The following SGPP2 variants were observed in gnomAD, a reference collection of about 807,000 sequenced individuals.
SGPP2 encodes sphingosine 1-phosphate phosphohydrolase 2.
Under a neutral mutation model 33.9 loss-of-function variants are expected in SGPP2, and 30 were observed. The ratio of observed to expected loss-of-function variants is 0.89; its 90% CI spans 0.66 to 1.20. The LOEUF (loss-of-function observed/expected upper bound fraction) is 1.20, where lower values mean the gene tolerates loss of function less well. Ranked by LOEUF, SGPP2 falls within the 50% of genes most tolerant of loss-of-function variation. SGPP2 has a pLI of 0.00. For missense variants in SGPP2, 458 were observed against 532.1 expected, an observed-to-expected ratio of 0.86 and a Z score of 1.37; for synonymous variants, 233 against 225.0, an observed-to-expected ratio of 1.04 and a Z score of -0.32.
At chr2:222,441,755 T>C (rs1034718127) in intron 1 of SGPP2, among the ~76,000 whole-genome samples, 11 of 152,208 alleles carry the variant, frequency 7.2e-5, no homozygotes, top group Non-Finnish European at 1.6e-4. Flanking sequence ...GGACATTTTA[T>C]ACTTTTGAGG....
chr2:222,449,775 A>G (rs937420361), intron 1 of SGPP2, among the ~76,000 whole-genome samples: 3 of 152,144 alleles, frequency 2.0e-5, no homozygotes, highest in South Asian at 2.1e-4. Context: ...TCTGGCAACT[A>G]ATTTTCTAAA....
chr2:222,547,642 G>A (rs1689224535), intron 4 of SGPP2, among the ~76,000 whole-genome samples: 1 of 151,832 alleles, frequency 6.6e-6, no homozygotes, highest in East Asian at 1.9e-4. Context: ...ATCACATCGA[G>A]AAACATAATA....
intron 1 of SGPP2, among the ~76,000 whole-genome samples, chr2:222,439,004 A>T (rs1697286353): frequency 6.6e-6 from 1 of 152,132 alleles, no homozygotes; most frequent in South Asian, 2.1e-4. Context: ...TAAACACAGG[A>T]TGAGTACCCA....
chr2:222,446,318 C>T (rs1018688701), intron 1 of SGPP2, among the ~76,000 whole-genome samples: 2 of 83,614 alleles, frequency 2.4e-5, no homozygotes, highest in Middle Eastern at 7.4e-3. Flanking sequence ...GAGTCAGAGA[C>T]ATCAAACACA....
rs1217665858 is a variant in SGPP2 at position 222,477,397 on chromosome 2, G to T, written c.378+2671G>T. Among the ~76,000 whole-genome samples the T allele has an allele frequency of 6.7e-6, 1 of 149,444 alleles. No individual in the cohort carries two copies. The highest frequency in any genetic ancestry group is 1.5e-5 in the Non-Finnish European group (1 of 67,808). The stretch of plus-strand genomic sequence containing the variant: ...TATAGGTGTGTATATATGTGTATAG[G>T]TGTGTATATATGTGTGTTTATAGGT... On this transcript the variant is annotated intron_variant, in intron 2 of 4. Transcript: ENST00000321276. This position sits in a 1 kb window ranked among gnomAD's most constrained non-coding sequence, Gnocchi z 6.0.
At chr2:222,430,282 A>T (rs1388141111) in intron 1 of SGPP2, among the ~76,000 whole-genome samples, 1 of 152,156 alleles carries the variant, frequency 6.6e-6, no homozygotes, top group Non-Finnish European at 1.5e-5. Flanking sequence ...GACACGTGTC[A>T]TTTTTGGTGA....
At chr2:222,491,433 A>G (rs540560952) in intron 2 of SGPP2, among the ~76,000 whole-genome samples, 1 of 152,340 alleles carries the variant, frequency 6.6e-6, no homozygotes, top group South Asian at 2.1e-4. Context: ...GGCAAAATTC[A>G]CAATCATGGA....
At chr2:222,549,218 A>G (rs1370608144) in intron 4 of SGPP2, among the ~76,000 whole-genome samples, 1 of 152,358 alleles carries the variant, frequency 6.6e-6, no homozygotes, top group East Asian at 1.9e-4. Context: ...TTCTTTCCTA[A>G]CAATTGACTG....
At chr2:222,463,158 C>T (rs1697691340) in intron 1 of SGPP2, among the ~76,000 whole-genome samples, 1 of 152,194 alleles carries the variant, frequency 6.6e-6, no homozygotes, top group Non-Finnish European at 1.5e-5. Flanking sequence ...TGTCCTCCCT[C>T]TTCCATTCTG....
At chr2:222,512,592 A>G (rs1303860665) in intron 2 of SGPP2, among the ~76,000 whole-genome samples, 1 of 152,184 alleles carries the variant, frequency 6.6e-6, no homozygotes, top group Non-Finnish European at 1.5e-5. Flanking sequence ...GTCATACAGA[A>G]TAGTTTCACT....
intron 4 of SGPP2, among the ~76,000 whole-genome samples, chr2:222,545,542 A>T (rs938035964): frequency 2.6e-5 from 4 of 152,104 alleles, no homozygotes; most frequent in Admixed American, 1.3e-4. Context: ...TCTGCCTCCC[A>T]AAGTGCTGGG....
chr2:222,522,028 G>T, intron 3 of SGPP2, 82 bp downstream of exon 3: 3 of 1,278,798 alleles, frequency 2.3e-6, no homozygotes, highest in Non-Finnish European at 3.2e-6. Context: ...TCTTAAAGCT[G>T]CTTTGAGGGA....
chr2:222,449,390 A>G (rs907827014), intron 1 of SGPP2, among the ~76,000 whole-genome samples: 7 of 152,190 alleles, frequency 4.6e-5, no homozygotes, highest in African/African-American at 1.4e-4. Flanking sequence ...GAAAAACAAA[A>G]ATGGTCAGGT....
intron 1 of SGPP2, chr2:222,452,785 G>A: frequency 6.6e-7 from 1 of 1,523,714 alleles, no homozygotes; most frequent in African/African-American, 1.4e-5. Flanking sequence ...TAGAGGCTGG[G>A]GTAGGTAGGT....
At chr2:222,526,955 G>T (rs1358386436) in intron 4 of SGPP2, among the ~76,000 whole-genome samples, 1 of 152,164 alleles carries the variant, frequency 6.6e-6, no homozygotes, top group Non-Finnish European at 1.5e-5. Context: ...AAACCTGCAT[G>T]TTCTGCACAT....
chr2:222,461,430 G>A (rs925736529), intron 1 of SGPP2, among the ~76,000 whole-genome samples: 3 of 152,090 alleles, frequency 2.0e-5, no homozygotes, highest in African/African-American at 4.8e-5. Context: ...ATTTTCCCAC[G>A]GACTGGGCAG....
intron 4 of SGPP2, among the ~76,000 whole-genome samples, chr2:222,541,595 T>G (rs1289751373): frequency 2.1e-4 from 2 of 9,322 alleles, no homozygotes; most frequent in Non-Finnish European, 6.1e-4. Flanking sequence ...AGAAAACTAT[T>G]TTATTTATTT....
At chr2:222,529,289 A>G (rs1243221357) in intron 4 of SGPP2, among the ~76,000 whole-genome samples, 1 of 152,126 alleles carries the variant, frequency 6.6e-6, no homozygotes, top group East Asian at 1.9e-4. Context: ...CAATTCAGTC[A>G]CATCTTCAGG....
rs1205484057 is a variant in SGPP2, at chr2:222,525,041, T to A, written c.648+8T>A. 2 of 1,611,836 alleles carry A rather than the reference T, an allele frequency of 1.2e-6. No homozygotes were observed. Among genetic ancestry groups the A allele is most frequent in the Non-Finnish European group, 1.7e-6 (2 of 1,178,222 alleles). On this transcript the variant is annotated splice_region_variant and intron_variant, in intron 4 of 4. Coordinates refer to ENST00000321276, the MANE Select transcript of SGPP2 (RefSeq NM_152386.4). Reference sequence around the variant, plus strand: ...GGGATGCATACGGTCCTGGTAAGGCTTTGTGGTCAGGTCTTGTGGTGATTG... The same window carrying A: ...GGGATGCATACGGTCCTGGTAAGGCATTGTGGTCAGGTCTTGTGGTGATTG...
Sources: gnomAD v4.1 joint callset for allele counts (sites outside exome capture counted in the v4.1 genomes callset) on GRCh38, gnomAD v4.1.1 for gene constraint, Gnocchi (gnomAD v3.1) non-coding constraint, MANE v1.5 for transcripts, NCBI Gene and HGNC (gene_info 2026-07-23, HGNC 2026-07-21) for gene names.